Variants in ROR1 observed in about 807,000 individuals in gnomAD.
ROR1 encodes the protein inactive tyrosine-protein kinase transmembrane receptor ROR1.
Under a neutral mutation model 78.8 loss-of-function variants are expected in ROR1, and 19 were observed. The observed-to-expected ratio is 0.24, with a 90% CI of 0.17 to 0.35. The LOEUF is 0.35. ROR1 is among the 10% of genes least tolerant of loss of function. The pLI is 1.00. For missense variants in ROR1, 917 were observed against 1,177.8 expected (o/e 0.78, Z 3.24); for synonymous variants, 386 against 433.6 (o/e 0.89, Z 1.36).
intron 4 of ROR1, among the ~76,000 whole-genome samples, chr1:64,124,089 G>T (rs1648633410): frequency 6.6e-6 from 1 of 152,100 alleles, no homozygotes; most frequent in African/African-American, 2.4e-5. Flanking sequence ...ATTCCAATTT[G>T]CAAAAATAAT....
At chr1:63,970,290 T>C (rs1215336658) in intron 1 of ROR1, among the ~76,000 whole-genome samples, 1 of 152,216 alleles carries the variant, frequency 6.6e-6, no homozygotes, top group African/African-American at 2.4e-5. Flanking sequence ...GACCATGGGC[T>C]TGGTGAGGGC....
intron 1 of ROR1, among the ~76,000 whole-genome samples, chr1:63,862,736 T>C (rs186108975): frequency 2.0e-4 from 30 of 152,280 alleles, no homozygotes; most frequent in Admixed American, 3.3e-4. Context: ...AGGTGGTATT[T>C]GTTAATTTAA....
chr1:63,892,100 T>C (rs1645401740), intron 1 of ROR1, among the ~76,000 whole-genome samples: 1 of 152,198 alleles, frequency 6.6e-6, no homozygotes, highest in Non-Finnish European at 1.5e-5. Context: ...TCAATAAGCA[T>C]TCATTAATTC....
chr1:63,798,835 G>A (rs1644778408), intron 1 of ROR1, among the ~76,000 whole-genome samples: 1 of 151,878 alleles, frequency 6.6e-6, no homozygotes, highest in Non-Finnish European at 1.5e-5. Context: ...GAAACGTTAA[G>A]CAAAAGTATC....
At chr1:63,993,516 A>C (rs918610196) in intron 1 of ROR1, among the ~76,000 whole-genome samples, 4 of 152,232 alleles carry the variant, frequency 2.6e-5, no homozygotes, top group African/African-American at 9.6e-5. Context: ...TATACATGTA[A>C]GAGTATGCAT....
chr1:63,962,940 G>A (rs1646041846), intron 1 of ROR1, among the ~76,000 whole-genome samples: 1 of 152,182 alleles, frequency 6.6e-6, no homozygotes, highest in Non-Finnish European at 1.5e-5. Context: ...AAGACCAGGT[G>A]AAGGCTGGAA....
intron 1 of ROR1, among the ~76,000 whole-genome samples, chr1:64,002,298 T>C (rs1002261775): frequency 6.6e-6 from 1 of 152,034 alleles, no homozygotes. Context: ...CACGCCCAGC[T>C]AATTTTTGTA....
intron 1 of ROR1, among the ~76,000 whole-genome samples, chr1:63,884,616 T>A (rs1358072760): frequency 2.6e-5 from 4 of 152,206 alleles, no homozygotes; most frequent in African/African-American, 9.6e-5. Context: ...TGCCCTTTTT[T>A]AAATGAATAT....
At chr1:63,924,643 A>T (rs569386311) in intron 1 of ROR1, among the ~76,000 whole-genome samples, 7 of 152,316 alleles carry the variant, frequency 4.6e-5, no homozygotes, top group Admixed American at 1.3e-4. Context: ...CTGGGCTCAT[A>T]GCAACTAACC....
At chr1:64,176,620 G>T (rs1056050819) in intron 8 of ROR1, among the ~76,000 whole-genome samples, 1 of 152,212 alleles carries the variant, frequency 6.6e-6, no homozygotes, top group African/African-American at 2.4e-5. Context: ...GTATGTGGTG[G>T]CATTCACAGT....
At chr1:64,108,059 GTTGTGTGT>G (rs968720010) in intron 4 of ROR1, among the ~76,000 whole-genome samples, 6 of 90,070 alleles carry the variant, frequency 6.7e-5, no homozygotes, top group Middle Eastern at 5.6e-3. Context: ...TTGTTTTCTT[GTTGTGTGT>G]GTGTGTGTGT....
chr1:64,069,247 A>C (rs944939389), intron 4 of ROR1, among the ~76,000 whole-genome samples: 6 of 151,988 alleles, frequency 3.9e-5, no homozygotes, highest in African/African-American at 1.5e-4. Context: ...TATTATCTTT[A>C]AAATTCTTTT....
At chr1:63,998,590 G>T (rs1410346325) in intron 1 of ROR1, among the ~76,000 whole-genome samples, 2 of 152,094 alleles carry the variant, frequency 1.3e-5, no homozygotes, top group African/African-American at 4.8e-5. Context: ...CATGTTGAAT[G>T]GACAATTATT....
chr1:63,945,885 G>A (rs960384400), intron 1 of ROR1, among the ~76,000 whole-genome samples: 6 of 152,210 alleles, frequency 3.9e-5, no homozygotes, highest in African/African-American at 9.6e-5. Context: ...GCAACATGGT[G>A]CTAGTGATAA....
chr1:64,027,555 C>T (rs1000406569), intron 2 of ROR1, among the ~76,000 whole-genome samples: 1 of 152,136 alleles, frequency 6.6e-6, no homozygotes, highest in African/African-American at 2.4e-5. Flanking sequence ...ATTGTATAAT[C>T]GGTGTTTTGT....
intron 1 of ROR1, among the ~76,000 whole-genome samples, chr1:63,854,961 C>T (rs1190264160): frequency 1.3e-5 from 2 of 151,952 alleles, no homozygotes; most frequent in East Asian, 3.8e-4. Context: ...ATAGTTGTTA[C>T]ACTGTATTTT....
chr1:64,062,960 T>G (rs948707272), intron 4 of ROR1, among the ~76,000 whole-genome samples: 9 of 152,206 alleles, frequency 5.9e-5, no homozygotes, highest in Non-Finnish European at 1.2e-4. Context: ...GAAATGAATT[T>G]TGAAAAGACA....
chr1:63,949,905 G>C (rs984695270), intron 1 of ROR1, among the ~76,000 whole-genome samples: 5 of 152,088 alleles, frequency 3.3e-5, no homozygotes, highest in African/African-American at 7.2e-5. Context: ...TTCATTAGAC[G>C]ACATTCGTAA....
At chr1:64,131,153 A>C (rs1452766022) in intron 4 of ROR1, among the ~76,000 whole-genome samples, 1 of 152,042 alleles carries the variant, frequency 6.6e-6, no homozygotes, top group African/African-American at 2.4e-5. Flanking sequence ...CATCTCTTTG[A>C]GCTGTGTGAT....
Sources: allele counts gnomAD v4.1 joint callset (sites outside exome capture counted in the v4.1 genomes callset), GRCh38; gene constraint gnomAD v4.1.1; transcripts MANE v1.5; gene names NCBI Gene and HGNC (gene_info 2026-07-23, HGNC 2026-07-21).